The following C4orf36 variants were observed in gnomAD, a reference collection of about 807,000 sequenced individuals.
The protein encoded by C4orf36 is uncharacterized protein C4orf36.
C4orf36 carries 11 observed loss-of-function variants against 12.2 expected under a neutral mutation model. That is an observed-to-expected ratio of 0.90 (90% CI 0.57 to 1.49). The LOEUF (loss-of-function observed/expected upper bound fraction) is 1.49, where lower values mean the gene tolerates loss of function less well. Ranked by LOEUF, C4orf36 falls within the 40% of genes most tolerant of loss-of-function variation. The pLI, the probability that C4orf36 is intolerant of heterozygous loss-of-function variation, is 0.00. For synonymous variants in C4orf36, 54 were observed against 51.3 expected (o/e 1.05, Z -0.22); for missense variants, 137 against 133.9 (o/e 1.02, Z -0.11).
the C4orf36 span, chr4:86,914,121 TAACAAA>T: frequency 2.5e-6 from 4 of 1,603,088 alleles, no homozygotes; most frequent in Admixed American, 6.7e-5. Flanking sequence ...AGACTCAAAG[TAACAAA>T]CAGAAATGAA....
intron 4 of C4orf36, among the ~76,000 whole-genome samples, chr4:86,878,691 A>C (rs1746978984): frequency 6.6e-6 from 1 of 152,152 alleles, no homozygotes; most frequent in Non-Finnish European, 1.5e-5. Context: ...TTTATCCAAC[A>C]TTCTGGTTTT....
At chr4:86,899,899 A>G in the C4orf36 span, among the ~76,000 whole-genome samples, 1 of 152,186 alleles carries the variant, frequency 6.6e-6, no homozygotes, top group East Asian at 1.9e-4. Context: ...AATGCTTTAC[A>G]TTTTGCAAAG....
chr4:86,888,027 G>A (rs1310856047), intron 3 of C4orf36, 94 bp downstream of exon 3: 5 of 1,532,582 alleles, frequency 3.3e-6, no homozygotes, highest in South Asian at 1.2e-5. Context: ...AAGATAGGAG[G>A]TATGGGTGTA....
the C4orf36 span, among the ~76,000 whole-genome samples, chr4:86,903,281 G>C: frequency 6.6e-6 from 1 of 152,166 alleles, no homozygotes; most frequent in South Asian, 2.1e-4. Context: ...GGAGGCCGAG[G>C]CCGGTGGATC....
the C4orf36 span, chr4:86,914,368 C>G: frequency 1.8e-5 from 22 of 1,233,642 alleles, no homozygotes; most frequent in Admixed American, 3.9e-5. Context: ...GCTTTCACCC[C>G]CCGGCTCCCG....
At chr4:86,913,109 A>G in the C4orf36 span, among the ~76,000 whole-genome samples, 3 of 152,078 alleles carry the variant, frequency 2.0e-5, no homozygotes, top group Non-Finnish European at 2.9e-5. Context: ...ACTTTAACCA[A>G]TTTTATATTC....
At chr4:86,916,365 C>CAAAA in the C4orf36 span, among the ~76,000 whole-genome samples, 1 of 95,858 alleles carries the variant, frequency 1.0e-5, no homozygotes, top group Non-Finnish European at 2.0e-5. Context: ...TATGTGGATG[C>CAAAA]AAAAAAAAAA....
the C4orf36 span, among the ~76,000 whole-genome samples, chr4:86,929,461 G>C: frequency 6.6e-6 from 1 of 151,988 alleles, no homozygotes. Context: ...TGCTCCTTTA[G>C]GGCCAACAGA....
chr4:86,902,284 C>T, the C4orf36 span, among the ~76,000 whole-genome samples: 3 of 151,762 alleles, frequency 2.0e-5, no homozygotes, highest in African/African-American at 7.3e-5. Context: ...ATTAGCTGGG[C>T]ATGGTGGTAT....
chr4:86,899,132 C>T, the C4orf36 span, among the ~76,000 whole-genome samples: 1 of 152,126 alleles, frequency 6.6e-6, no homozygotes, highest in Non-Finnish European at 1.5e-5. Context: ...CACTGACCTC[C>T]TAATGATAAA....
chr4:86,892,238 C>T lies in C4orf36; in HGVS notation c.-129G>A. 1.0e-6 allele frequency: 1 copy of T among 985,810 alleles called. No homozygotes were observed. Among genetic ancestry groups the T allele is most frequent in the South Asian group, 4.7e-5 (1 of 21,290 alleles). The allele number at this position is 985,810 out of a possible 1,614,324, so 61.1% of individuals were successfully genotyped here. A position where few individuals can be genotyped will look rare whatever the true frequency, so the allele number is the denominator to read the frequency against. On this transcript the variant is annotated 5_prime_UTR_variant, in exon 1 of 5. Coordinates refer to ENST00000295898, the MANE Select transcript of C4orf36 (RefSeq NM_144645.4). Reference sequence around the variant, plus strand: ...GAATGCGCTGTGTGCGCGGGGCTTCCAGGGTGGCGGGTCCCCGCGAGCCGG... The same window carrying T: ...GAATGCGCTGTGTGCGCGGGGCTTCTAGGGTGGCGGGTCCCCGCGAGCCGG...
the C4orf36 span, among the ~76,000 whole-genome samples, chr4:86,902,891 C>A: frequency 6.6e-6 from 1 of 151,760 alleles, no homozygotes; most frequent in South Asian, 2.1e-4. Flanking sequence ...CACTGAGGAC[C>A]CTGTATGCCA....
intron 2 of C4orf36, 40 bp downstream of exon 2, chr4:86,891,416 C>T (rs1747408439): frequency 6.4e-7 from 1 of 1,560,068 alleles, no homozygotes; most frequent in Non-Finnish European, 8.7e-7. Context: ...CCACCGCAGT[C>T]AATGCTTACC....
the C4orf36 span, among the ~76,000 whole-genome samples, chr4:86,908,993 A>T: frequency 2.0e-4 from 31 of 152,228 alleles, no homozygotes; most frequent in African/African-American, 7.2e-4. Context: ...GCAAGGACAT[A>T]TGGAACTCAC....
chr4:86,920,634 T>C, the C4orf36 span, among the ~76,000 whole-genome samples: 1 of 152,128 alleles, frequency 6.6e-6, no homozygotes, highest in Non-Finnish European at 1.5e-5. Context: ...CATCACAACA[T>C]GGTGGAAGGC....
At chr4:86,921,113 C>T in the C4orf36 span, among the ~76,000 whole-genome samples, 3 of 149,008 alleles carry the variant, frequency 2.0e-5, no homozygotes, top group East Asian at 2.0e-4. Context: ...TGTGGTGAGC[C>T]GAGATCACAC....
chr4:86,906,533 G>T, the C4orf36 span, among the ~76,000 whole-genome samples: 8 of 151,916 alleles, frequency 5.3e-5, no homozygotes, highest in African/African-American at 1.9e-4. Flanking sequence ...TTCGAGACCA[G>T]CCTGGGCAAC....
chr4:86,903,113 T>C, the C4orf36 span, among the ~76,000 whole-genome samples: 1 of 152,250 alleles, frequency 6.6e-6, no homozygotes, highest in African/African-American at 2.4e-5. Context: ...TATGCATCTT[T>C]CCTTGTGTGC....
chr4:86,899,839 A>C, the C4orf36 span, among the ~76,000 whole-genome samples: 1 of 152,184 alleles, frequency 6.6e-6, no homozygotes, highest in Non-Finnish European at 1.5e-5. Context: ...TCAAATAAAT[A>C]AAATTTCATG....
Sources: gnomAD v4.1 joint callset for allele counts (sites outside exome capture counted in the v4.1 genomes callset) on GRCh38, gnomAD v4.1.1 for gene constraint, MANE v1.5 for transcripts, NCBI Gene and HGNC (gene_info 2026-07-23, HGNC 2026-07-21) for gene names.